KMT2A: variants seen among roughly 807,000 people sequenced by gnomAD.
KMT2A encodes the protein histone-lysine N-methyltransferase 2A.
Under a neutral mutation model 345.3 loss-of-function variants are expected in KMT2A, and 16 were observed. The ratio of observed to expected loss-of-function variants is 0.05; its 90% confidence interval spans 0.03 to 0.07. The LOEUF is 0.07. Among genes scored for constraint, KMT2A ranks in the 10% least tolerant of loss-of-function variants. The pLI, the probability that KMT2A is intolerant of heterozygous loss-of-function variation, is 1.00. For synonymous variants in KMT2A, 1,599 were observed against 1,778.6 expected, an observed-to-expected ratio of 0.90 and a Z score of 2.54; for missense variants, 3,272 against 4,841.6, an observed-to-expected ratio of 0.68 and a Z score of 9.62.
rs2134346458 is a variant in KMT2A at position 118,493,241 on chromosome 11, A to G, written c.5178+11A>G. 1 of 1,606,802 alleles carries G rather than the reference A, an allele frequency of 6.2e-7. No homozygotes were observed. The highest frequency in any genetic ancestry group is 8.5e-7 in the Non-Finnish European group (1 of 1,175,296). On this transcript the variant is annotated intron_variant, in intron 16 of 35. Transcript: ENST00000534358. The surrounding 1 kb of genome is among the most constrained non-coding windows in gnomAD (Gnocchi z 5.8). ...AATTACACATCTGTGGTATGTTTCTACAGTGAGCCATCAGAATTTCTAGTG... is the reference window on the plus strand; with the variant it reads ...AATTACACATCTGTGGTATGTTTCTGCAGTGAGCCATCAGAATTTCTAGTG...
intron 10 of KMT2A, among the ~76,000 whole-genome samples, chr11:118,485,500 A>G (rs1195026737): frequency 6.6e-6 from 1 of 152,124 alleles, no homozygotes; most frequent in Non-Finnish European, 1.5e-5. Flanking sequence ...TGGAAATTAA[A>G]GCATGATAAA....
Position 118,501,159 on chromosome 11 carries a change from A to T in KMT2A, c.6319+12A>T. The T allele has an allele frequency of 6.2e-7, 1 of 1,611,392 alleles. No homozygotes were observed. The highest frequency in any genetic ancestry group is 8.5e-7 in the Non-Finnish European group (1 of 1,178,200). On this transcript the variant is annotated intron_variant, in intron 25 of 35. Coordinates refer to ENST00000534358, the MANE Select transcript of KMT2A (RefSeq NM_001197104.2). ...AACATCTTTTACAGGTTAGTCTTGA[A>T]TCAAGATGGGACTTGAGGCTGGGCA... is the stretch of plus-strand genomic sequence containing the variant.
At position 118,436,719 on chromosome 11, in the gene KMT2A, C is replaced by T. The variant is rs1949190105; in HGVS notation, c.207C>T (p.Ser69=). 1 of 1,422,034 alleles carries T rather than the reference C, an allele frequency of 7.0e-7. No individual in the cohort carries two copies. The highest frequency in any genetic ancestry group is 1.5e-5 in the African/African-American group (1 of 68,776). 88.1% of individuals were successfully genotyped at this position (1,422,034 alleles called of 1,614,324 possible). The change falls in exon 1 of 36, where the codon AGC becomes AGT. Residue 69 remains serine (S), a synonymous_variant. Coordinates refer to ENST00000534358, the MANE Select transcript of KMT2A (RefSeq NM_001197104.2). The surrounding 1 kb of genome is among the most constrained non-coding windows in gnomAD (Gnocchi z 6.9). The part of the protein sequence containing the change: ...AVAAAAAAAG[S]SGAGVPGGAA... ...CGGCCGCGGCGGCGGCGGCGGGAAG[C>T]AGCGGGGCTGGGGTTCCAGGGGGAG... is the stretch of plus-strand genomic sequence containing the variant.
chr11:118,469,033 C>T lies in KMT2A; in HGVS notation c.502+189C>T, dbSNP rs568037811. On this transcript the variant is annotated intron_variant, in intron 2 of 35. Coordinates refer to ENST00000534358, the MANE Select transcript of KMT2A (RefSeq NM_001197104.2). ...TACTTTAAGTTTTAGGGTACATGTG[C>T]ACAATGTGCAAGTTAGTTACATATG... Among the ~76,000 whole-genome samples the T allele has an allele frequency of 9.7e-4, 148 of 152,162 alleles. 1 individual carries two copies. Among genetic ancestry groups the T allele is most frequent in the African/African-American group, 3.0e-3 (123 of 41,520 alleles).
Position 118,457,185 on chromosome 11 carries a change from G to A in KMT2A, c.433-11590G>A, listed in dbSNP as rs543801142. Among the ~76,000 whole-genome samples, 28 of 150,702 alleles carry A rather than the reference G, an allele frequency of 1.9e-4. No homozygotes were observed. In the South Asian group the frequency reaches 3.8e-3, roughly 20 times the overall value. On this transcript the variant is annotated intron_variant, in intron 1 of 35. Transcript: ENST00000534358. ...TAATCTGCTATAGCCTTCAGGATGA[G>A]GTCTACACGTCCTCAAAGATAAACT...
intron 10 of KMT2A, among the ~76,000 whole-genome samples, chr11:118,486,375 GT>G (rs11445156): frequency 4.8e-5 from 7 of 146,672 alleles, no homozygotes; most frequent in East Asian, 2.0e-4. Context: ...TGTTTCTCTG[GT>G]TTTTTTTTTT....
At position 118,493,260 on chromosome 11, in the gene KMT2A, T is replaced by C. The variant is rs200575492; in HGVS notation, c.5178+30T>C. On this transcript the variant is annotated intron_variant, in intron 16 of 35. Transcript: ENST00000534358. This position sits in a 1 kb window ranked among gnomAD's most constrained non-coding sequence, Gnocchi z 5.8. Reference sequence around the variant, plus strand: ...GTTTCTACAGTGAGCCATCAGAATTTCTAGTGCCAATAAAGCTTCTTTGGA... The same window carrying C: ...GTTTCTACAGTGAGCCATCAGAATTCCTAGTGCCAATAAAGCTTCTTTGGA... 16 of 1,591,202 alleles carry C rather than the reference T, an allele frequency of 1.0e-5. No individual in the cohort carries two copies. Among genetic ancestry groups the C allele is most frequent in the Middle Eastern group, 1.7e-4 (1 of 5,992 alleles).
chr11:118,449,987 GA>G (rs1218107196), intron 1 of KMT2A: 1 of 151,866 alleles, frequency 6.6e-6, no homozygotes, highest in East Asian at 1.9e-4. Context: ...AACTATATCT[GA>G]AAATAAAGTT....
rs782503325 is a variant in KMT2A, at chr11:118,472,927, A to G, written c.1768A>G (p.Ile590Val). ...CACACCTTGGCTTATGCCTCCAACA[A>G]TCCCCTTAGCATCACCATTTTTGCC... The part of the protein sequence containing the change: ...DHTPWLMPPT[I>V]PLASPFLPAS... The change falls in exon 3 of 36, where the codon ATC (isoleucine) becomes GTC (valine). Residue 590 changes from isoleucine (I) to valine (V), a missense_variant. Ile to Val is a conservative substitution (Grantham distance 29, BLOSUM62 3). Transcript: ENST00000534358. 17 of 1,613,570 alleles carry G rather than the reference A, an allele frequency of 1.1e-5. No homozygotes were observed. The highest frequency in any genetic ancestry group is 2.7e-5 in the African/African-American group (2 of 74,742).
In KMT2A at chr11:118,498,647, T is replaced by G; in HGVS notation, c.5961+119T>G. On this transcript the variant is annotated intron_variant, in intron 22 of 35. Coordinates refer to ENST00000534358, the MANE Select transcript of KMT2A (RefSeq NM_001197104.2). This position sits in a 1 kb window ranked among gnomAD's most constrained non-coding sequence, Gnocchi z 4.4. ...TTCCCATATGCCCCCTGCACCCACA[T>G]ATGCACAGCCTCCCCCATGATCAGC... 1 of 942,746 alleles carries G rather than the reference T, an allele frequency of 1.1e-6. No individual in the cohort carries two copies. The allele number at this position is 942,746 out of a possible 1,614,324, so 58.4% of individuals were successfully genotyped here.
chr11:118,501,067 C>T lies in KMT2A; in HGVS notation c.6239C>T (p.Pro2080Leu), dbSNP rs199868811. The T allele has an allele frequency of 6.2e-7, 1 of 1,613,970 alleles. No individual in the cohort carries two copies. Among genetic ancestry groups the T allele is most frequent in the Non-Finnish European group, 8.5e-7 (1 of 1,179,974 alleles). Residue 2080 changes from proline to leucine, a missense_variant, in exon 25 of 36, where the codon CCA (proline) becomes CTA (leucine). Coordinates refer to ENST00000534358, the MANE Select transcript of KMT2A (RefSeq NM_001197104.2). Reference sequence around the variant, plus strand: ...TGCAAGATAGTGGAGTGCCGTCCTCCAGTCGTAGAGCCGGATATCAACAGC... The same window carrying T: ...TGCAAGATAGTGGAGTGCCGTCCTCTAGTCGTAGAGCCGGATATCAACAGC... ...YTCKIVECRP[P>L]VVEPDINSTV...
chr11:118,439,154 G>T, intron 1 of KMT2A: 1 of 296,406 alleles, frequency 3.4e-6, no homozygotes, highest in Non-Finnish European at 6.4e-6. Context: ...AAAAGATACA[G>T]CAGCAAAAAA....
chr11:118,479,190 T>C (rs1950090137), intron 5 of KMT2A, among the ~76,000 whole-genome samples: 1 of 152,242 alleles, frequency 6.6e-6, no homozygotes, highest in Non-Finnish European at 1.5e-5. Context: ...CTAAGTCTTA[T>C]TCATTCTTTC....
At chr11:118,509,242 G>C (rs1200750806) in intron 29 of KMT2A, 42 bp downstream of exon 29, 7 of 1,469,240 alleles carry the variant, frequency 4.8e-6, no homozygotes, top group Non-Finnish European at 6.6e-6. Context: ...GAATATCAAT[G>C]CTAAAAGGAT....
At chr11:118,475,452 G>A (rs562597737) in intron 3 of KMT2A, among the ~76,000 whole-genome samples, 16 of 152,256 alleles carry the variant, frequency 1.1e-4, no homozygotes, top group African/African-American at 2.4e-4. Context: ...GGCTGGGTAC[G>A]GTGGCTTACG....
At chr11:118,483,386 A>T (rs2134307901) in intron 8 of KMT2A, among the ~76,000 whole-genome samples, 1 of 150,712 alleles carries the variant, frequency 6.6e-6, no homozygotes, top group South Asian at 2.1e-4. Flanking sequence ...CAAAAAAATT[A>T]GCCCGGCGAG....
Position 118,502,680 on chromosome 11 carries a change from C to A in KMT2A, c.6788C>A (p.Thr2263Asn), listed in dbSNP as rs782570144. Residue 2263 changes from threonine (T) to asparagine (N), a missense_variant, in exon 27 of 36, where the codon ACT (threonine) becomes AAT (asparagine). By Grantham distance (65) the Thr-to-Asn change is moderately conservative. Coordinates refer to ENST00000534358, the MANE Select transcript of KMT2A (RefSeq NM_001197104.2). This position sits in a 1 kb window ranked among gnomAD's most constrained non-coding sequence, Gnocchi z 4.9. Reference sequence around the variant, plus strand: ...TCAAGTACTAGTTTAGGGCAAAACACTTCCACCTCTTCAAATTTGCAAAGG... The same window carrying A: ...TCAAGTACTAGTTTAGGGCAAAACAATTCCACCTCTTCAAATTTGCAAAGG... ...LNSSTSLGQN[T>N]STSSNLQRTV... The A allele has an allele frequency of 6.2e-6, 10 of 1,614,154 alleles. No individual in the cohort carries two copies. The highest frequency in any genetic ancestry group is 8.5e-6 in the Non-Finnish European group (10 of 1,180,032).
Position 118,484,375 on chromosome 11 carries a change from G to T in KMT2A, c.4218+61G>T. 6.4e-7 allele frequency: 1 copy of T among 1,557,262 alleles called. No individual in the cohort carries two copies. Among genetic ancestry groups the T allele is most frequent in the Non-Finnish European group, 8.8e-7 (1 of 1,137,170 alleles). On this transcript the variant is annotated intron_variant, in intron 9 of 35. Transcript: ENST00000534358. The surrounding 1 kb of genome is among the most constrained non-coding windows in gnomAD (Gnocchi z 4.1). Reference sequence around the variant, plus strand: ...GTCAAAGACTTTAAATAAAGAAAATGCTACTACCAAAGGTGTTGAAAGAGG... The same window carrying T: ...GTCAAAGACTTTAAATAAAGAAAATTCTACTACCAAAGGTGTTGAAAGAGG...
At chr11:118,518,641 G>A (rs1306274498) in intron 31 of KMT2A, among the ~76,000 whole-genome samples, 2 of 151,902 alleles carry the variant, frequency 1.3e-5, no homozygotes, top group African/African-American at 4.8e-5. Context: ...AAATTAGCTG[G>A]GCATGGTGAC....
Sources: allele counts gnomAD v4.1 joint callset (sites outside exome capture counted in the v4.1 genomes callset), GRCh38; gene constraint gnomAD v4.1.1; non-coding constraint Gnocchi (gnomAD v3.1); transcripts MANE v1.5; gene names NCBI Gene and HGNC (gene_info 2026-07-23, HGNC 2026-07-21).